PRDM12: variants seen among roughly 807,000 people sequenced by gnomAD.
PRDM12 encodes PR/SET domain 12.
Under a neutral mutation model 29.6 loss-of-function variants are expected in PRDM12, and 17 were observed. The ratio of observed to expected loss-of-function variants is 0.57; its 90% confidence interval spans 0.39 to 0.86. The LOEUF (loss-of-function observed/expected upper bound fraction) is 0.86. PRDM12 is among the 40% of genes least tolerant of loss of function. PRDM12 has a pLI of 0.00. For missense variants in PRDM12, 422 were observed against 510.8 expected (o/e 0.83, Z 1.68); for synonymous variants, 231 against 225.8 (o/e 1.02, Z -0.21).
intron 3 of PRDM12, among the ~76,000 whole-genome samples, chr9:130,676,565 C>T (rs1186666783): frequency 6.6e-6 from 1 of 152,204 alleles, no homozygotes; most frequent in East Asian, 1.9e-4. Flanking sequence ...TGCCCCTTTC[C>T]AGCAGGGGCC....
At chr9:130,677,046 C>T (rs1176522035) in intron 3 of PRDM12, among the ~76,000 whole-genome samples, 1 of 152,230 alleles carries the variant, frequency 6.6e-6, no homozygotes, top group African/African-American at 2.4e-5. Context: ...GCCTCAGCCT[C>T]CCAAGTAGCT....
intron 2 of PRDM12, among the ~76,000 whole-genome samples, chr9:130,667,705 C>T (rs529723929): frequency 6.6e-6 from 1 of 152,256 alleles, no homozygotes; most frequent in African/African-American, 2.4e-5. Flanking sequence ...TGGCAGCTCC[C>T]GTGAAGGGGT....
chr9:130,677,663 G>A (rs904786463), intron 3 of PRDM12, among the ~76,000 whole-genome samples: 1 of 152,236 alleles, frequency 6.6e-6, no homozygotes, highest in Non-Finnish European at 1.5e-5. Flanking sequence ...CTTGGGAGGG[G>A]TAACTGGCTT....
At position 130,668,332 on chromosome 9, in the gene PRDM12, A is replaced by C. The variant is rs767074359; in HGVS notation, c.570+19A>C. 4 of 1,610,534 alleles carry C rather than the reference A, an allele frequency of 2.5e-6. No individual in the cohort carries two copies. ...CATTGAGGTGTGTGTGTGTGTGTGC[A>C]CTGTTGTGTAGGGACCAGCCGGTAA... is the stretch of plus-strand genomic sequence containing the variant. On this transcript the variant is annotated intron_variant, in intron 3 of 4. Coordinates refer to ENST00000253008, the MANE Select transcript of PRDM12 (RefSeq NM_021619.3). This position sits in a 1 kb window ranked among gnomAD's most constrained non-coding sequence, Gnocchi z 4.0.
At chr9:130,680,207 C>G (rs1336337442) in intron 4 of PRDM12, among the ~76,000 whole-genome samples, 1 of 151,896 alleles carries the variant, frequency 6.6e-6, no homozygotes, top group Non-Finnish European at 1.5e-5. Context: ...TGTGCTGGCA[C>G]GAGCCTGTGG....
intron 3 of PRDM12, among the ~76,000 whole-genome samples, chr9:130,673,591 G>A (rs1239398690): frequency 6.6e-6 from 1 of 151,714 alleles, no homozygotes; most frequent in African/African-American, 2.4e-5. Flanking sequence ...GGGTTCAGGT[G>A]ATTAAACAAT....
intron 3 of PRDM12, among the ~76,000 whole-genome samples, chr9:130,672,842 C>G (rs901417304): frequency 1.3e-5 from 2 of 152,104 alleles, no homozygotes; most frequent in African/African-American, 2.4e-5. Context: ...TGTTCAGTGG[C>G]AGGATGTGAA....
intron 4 of PRDM12, among the ~76,000 whole-genome samples, chr9:130,680,659 A>ATATATATATATTTTTTTTT: frequency 5.5e-5 from 4 of 72,168 alleles, no homozygotes; most frequent in East Asian, 6.4e-4. Flanking sequence ...ATATATATAT[A>ATATATATATATTTTTTTTT]TTTTTTTTTT....
chr9:130,675,626 A>G (rs1230266677), intron 3 of PRDM12, among the ~76,000 whole-genome samples: 1 of 152,168 alleles, frequency 6.6e-6, no homozygotes, highest in Non-Finnish European at 1.5e-5. Flanking sequence ...TTATGCAAAG[A>G]GCTTTATGCA....
Position 130,664,623 on chromosome 9 carries a change from T to A in PRDM12, c.-31T>A, listed in dbSNP as rs1457604659. On this transcript the variant is annotated 5_prime_UTR_variant, in exon 1 of 5. Coordinates refer to ENST00000253008, the MANE Select transcript of PRDM12 (RefSeq NM_021619.3). The surrounding 1 kb of genome is among the most constrained non-coding windows in gnomAD (Gnocchi z 6.4). ...CCCACCTCCCCCGTCGGCCCGGCCG[T>A]CCCCCGGCGCCGGGGAGCTCCGGGC... The A allele has an allele frequency of 4.2e-5, 46 of 1,085,812 alleles. No homozygotes were observed. The highest frequency in any genetic ancestry group is 5.7e-5 in the Non-Finnish European group (46 of 801,556). 67.3% of individuals were successfully genotyped at this position (1,085,812 alleles called of 1,614,324 possible).
chr9:130,680,657 A>ATTTTTTTTTTTTTT (rs1399560598), intron 4 of PRDM12, among the ~76,000 whole-genome samples: 23 of 87,494 alleles, frequency 2.6e-4, no homozygotes, highest in African/African-American at 1.6e-3. Flanking sequence ...ATATATATAT[A>ATTTTTTTTTTTTTT]TATTTTTTTT....
intron 4 of PRDM12, among the ~76,000 whole-genome samples, chr9:130,680,655 A>ATTTTTTTTTTT (rs1247286672): frequency 1.2e-5 from 1 of 85,576 alleles, no homozygotes; most frequent in African/African-American, 7.5e-5. Flanking sequence ...ATATATATAT[A>ATTTTTTTTTTT]TATATTTTTT....
rs150422251 is a variant in PRDM12 at position 130,678,272 on chromosome 9, G to A, written c.571-257G>A. On this transcript the variant is annotated intron_variant, in intron 3 of 4. Coordinates refer to ENST00000253008, the MANE Select transcript of PRDM12 (RefSeq NM_021619.3). The stretch of plus-strand genomic sequence containing the variant: ...TGAGGCGTCCACTCTGGTGCTGTCA[G>A]CTTGGAAGCACTCCTGTGGCTGGAG... Among the ~76,000 whole-genome samples the A allele has an allele frequency of 3.9e-3, 588 of 151,980 alleles. 6 individuals carry two copies. The highest frequency in any genetic ancestry group is 0.013 in the African/African-American group (558 of 41,454).
In PRDM12 at chr9:130,681,258, C is replaced by A; in HGVS notation, c.693C>A (p.His231Gln). 6.8e-7 allele frequency: 1 copy of A among 1,472,818 alleles called. No individual in the cohort carries two copies. 91.2% of individuals were successfully genotyped at this position (1,472,818 alleles called of 1,614,324 possible). The change falls in exon 5 of 5, where the codon CAC becomes CAA. Residue 231 changes from histidine to glutamine, a missense_variant. Physicochemically the swap from His to Gln is conservative, Grantham distance 24. This residue lies in a region of PRDM12 where 300 missense variants were observed against 350.0 expected (regional missense o/e 0.86). Coordinates refer to ENST00000253008, the MANE Select transcript of PRDM12 (RefSeq NM_021619.3). The surrounding 1 kb of genome is among the most constrained non-coding windows in gnomAD (Gnocchi z 8.1). Reference protein sequence around the residue: ...DQKKNKHEDFHPADSAAGPAG... With the variant: ...DQKKNKHEDFQPADSAAGPAG... ...CCGCCCCGCGGCCAGAGGACTTCCA[C>A]CCGGCGGACTCGGCGGCTGGCCCCG...
rs1724057540 is a variant in PRDM12 at position 130,668,373 on chromosome 9, G to A, written c.570+60G>A. 6 of 1,604,568 alleles carry A rather than the reference G, an allele frequency of 3.7e-6. No individual in the cohort carries two copies. Among genetic ancestry groups the A allele is most frequent in the South Asian group, 1.1e-5 (1 of 90,406 alleles). ...CAGCCGGTAAACCCGGCGGGGGGAG[G>A]TGTGCAGGGCAGCGGTGTCCAGGAA... On this transcript the variant is annotated intron_variant, in intron 3 of 4. Transcript: ENST00000253008. This position sits in a 1 kb window ranked among gnomAD's most constrained non-coding sequence, Gnocchi z 4.0.
chr9:130,667,400 C>A (rs1262750745), intron 2 of PRDM12, among the ~76,000 whole-genome samples: 2 of 152,184 alleles, frequency 1.3e-5, no homozygotes, highest in African/African-American at 2.4e-5. Flanking sequence ...GCCTTTCCAC[C>A]CATCACAGTG....
intron 3 of PRDM12, among the ~76,000 whole-genome samples, chr9:130,669,864 G>A (rs1830772198): frequency 6.6e-6 from 1 of 151,812 alleles, no homozygotes; most frequent in Middle Eastern, 3.4e-3. Context: ...CACTTCCTGT[G>A]GTGTGGCAGG....
chr9:130,682,861 A>G lies in PRDM12; in HGVS notation c.*1192A>G, dbSNP rs1830919385. The G allele has an allele frequency of 1.3e-5, 2 of 152,692 alleles. No homozygotes were observed. The highest frequency in any genetic ancestry group is 6.5e-5 in the Admixed American group (1 of 15,286). The allele number at this position is 152,692 out of a possible 1,614,324, so 9.5% of individuals were successfully genotyped here. A position where few individuals can be genotyped will look rare whatever the true frequency, so the allele number is the denominator to read the frequency against. On this transcript the variant is annotated 3_prime_UTR_variant, in exon 5 of 5. Coordinates refer to ENST00000253008, the MANE Select transcript of PRDM12 (RefSeq NM_021619.3). The surrounding 1 kb of genome is among the most constrained non-coding windows in gnomAD (Gnocchi z 4.2). ...CAGAAGATGGTCACTTTAACCTTGTAAATATTTATCTAAAATGATATTTAC... is the reference window on the plus strand; with the variant it reads ...CAGAAGATGGTCACTTTAACCTTGTGAATATTTATCTAAAATGATATTTAC...
At chr9:130,680,659 A>ATATATATTTTTTT in intron 4 of PRDM12, among the ~76,000 whole-genome samples, 40 of 72,154 alleles carry the variant, frequency 5.5e-4, no homozygotes, top group African/African-American at 3.0e-3. Context: ...ATATATATAT[A>ATATATATTTTTTT]TTTTTTTTTT....
Sources: gnomAD v4.1 joint callset for allele counts (sites outside exome capture counted in the v4.1 genomes callset) on GRCh38, gnomAD v4.1.1 for gene constraint, gnomAD v4.1.1 regional missense constraint, Gnocchi (gnomAD v3.1) non-coding constraint, MANE v1.5 for transcripts, NCBI Gene and HGNC (gene_info 2026-07-23, HGNC 2026-07-21) for gene names.